The following RORA variants were observed in gnomAD, a reference collection of about 807,000 sequenced individuals.
The protein encoded by RORA is RAR related orphan receptor A.
RORA carries 7 observed loss-of-function variants against 69.5 expected under a neutral mutation model. That is an observed-to-expected ratio of 0.10 (90% CI 0.06 to 0.19). The LOEUF (loss-of-function observed/expected upper bound fraction) is 0.19. Ranked by LOEUF, RORA falls within the 10% of genes least tolerant of loss-of-function variation. RORA has a pLI of 1.00. For missense variants in RORA, 457 were observed against 663.0 expected, an observed-to-expected ratio of 0.69 and a Z score of 3.41; for synonymous variants, 261 against 240.8, an observed-to-expected ratio of 1.08 and a Z score of -0.78.
intron 1 of RORA, among the ~76,000 whole-genome samples, chr15:61,094,480 C>T (rs558468613): frequency 8.5e-5 from 13 of 152,278 alleles, no homozygotes; most frequent in African/African-American, 1.2e-4. Flanking sequence ...CTGCTCCAGC[C>T]GTAGGCGATG....
At chr15:60,581,876 A>T (rs1019758886) in intron 2 of RORA, among the ~76,000 whole-genome samples, 1 of 152,236 alleles carries the variant, frequency 6.6e-6, no homozygotes, top group Non-Finnish European at 1.5e-5. Context: ...TTATAAAATA[A>T]GATGGCATCA....
chr15:61,165,594 T>A (rs1396029311), intron 1 of RORA, among the ~76,000 whole-genome samples: 1 of 151,836 alleles, frequency 6.6e-6, no homozygotes, highest in East Asian at 1.9e-4. Flanking sequence ...TAGAAGAGAG[T>A]TGGAGAGCTG....
chr15:60,819,345 C>T (rs950132748), intron 1 of RORA, among the ~76,000 whole-genome samples: 3 of 152,158 alleles, frequency 2.0e-5, no homozygotes, highest in African/African-American at 7.2e-5. Context: ...CACACATCCG[C>T]TATGGAATTA....
chr15:60,640,253 T>C (rs1346277018), intron 2 of RORA, among the ~76,000 whole-genome samples: 1 of 152,190 alleles, frequency 6.6e-6, no homozygotes, highest in Non-Finnish European at 1.5e-5. Flanking sequence ...TTAAGCCCCC[T>C]GGACATCAGT....
chr15:60,765,818 G>A (rs146353645), intron 1 of RORA, among the ~76,000 whole-genome samples: 2 of 152,140 alleles, frequency 1.3e-5, no homozygotes, highest in South Asian at 2.1e-4. Context: ...TCATTTTTAC[G>A]TGCACTGTGG....
intron 2 of RORA, chr15:60,546,551 A>C (rs540028579): frequency 3.3e-5 from 5 of 152,208 alleles, no homozygotes; most frequent in Admixed American, 6.5e-5. Flanking sequence ...ACAGCTCATA[A>C]ACCTTAAAAA....
chr15:60,697,048 G>A (rs1328262846), intron 1 of RORA, among the ~76,000 whole-genome samples: 1 of 152,150 alleles, frequency 6.6e-6, no homozygotes, highest in African/African-American at 2.4e-5. Flanking sequence ...TGTTTTCTGG[G>A]ATTGTAAAGG....
intron 2 of RORA, among the ~76,000 whole-genome samples, chr15:60,619,442 T>G (rs1458012333): frequency 6.6e-6 from 1 of 152,252 alleles, no homozygotes; most frequent in South Asian, 2.1e-4. Context: ...TGATGATGCC[T>G]TTTACGTCAG....
chr15:60,730,854 GA>G (rs1326097514), intron 1 of RORA, among the ~76,000 whole-genome samples: 1 of 146,578 alleles, frequency 6.8e-6, no homozygotes, highest in African/African-American at 2.7e-5. Flanking sequence ...TATAGGAAAA[GA>G]ATTTTTTTTT....
intron 1 of RORA, among the ~76,000 whole-genome samples, chr15:60,859,631 T>TTTTC (rs35809501): frequency 3.8e-5 from 5 of 130,432 alleles, no homozygotes; most frequent in Non-Finnish European, 4.7e-5. Flanking sequence ...CCCGGGTTTT[T>TTTTC]TTTCTTTCTT....
At chr15:61,024,200 A>G (rs932160966) in intron 1 of RORA, among the ~76,000 whole-genome samples, 4 of 151,974 alleles carry the variant, frequency 2.6e-5, no homozygotes, top group African/African-American at 9.7e-5. Flanking sequence ...TGGGGTGGAA[A>G]TCAGTTGGTA....
intron 1 of RORA, among the ~76,000 whole-genome samples, chr15:60,747,683 C>T: frequency 6.6e-6 from 1 of 151,942 alleles, no homozygotes; most frequent in Non-Finnish European, 1.5e-5. Context: ...TTGAGATGCA[C>T]AGTATGTGAT....
rs531239929 is a variant in RORA at position 60,755,343 on chromosome 15, T to C, written c.167-76657A>G. ...CCTTTTTTACGGCTGCATAGTATTC[T>C]ATGGTGTATATGTGCCACATTTTCT... On this transcript the variant is annotated intron_variant, in intron 1 of 10. Transcript: ENST00000335670. 4.3e-4 allele frequency among the ~76,000 whole-genome samples: 65 copies of C among 152,190 alleles called. 1 individual carries two copies. Among genetic ancestry groups the C allele is most frequent in the Admixed American group, 9.2e-4 (14 of 15,278 alleles).
chr15:61,136,336 C>T (rs1016816700), intron 1 of RORA, among the ~76,000 whole-genome samples: 1 of 152,166 alleles, frequency 6.6e-6, no homozygotes, highest in African/African-American at 2.4e-5. Flanking sequence ...GCACTGTTAT[C>T]CAGTTGTTAC....
At chr15:61,024,015 T>G (rs1770016964) in intron 1 of RORA, among the ~76,000 whole-genome samples, 1 of 151,972 alleles carries the variant, frequency 6.6e-6, no homozygotes, top group Non-Finnish European at 1.5e-5. Context: ...AAACAAAAAA[T>G]GCATGAACGA....
At chr15:60,502,473 C>G (rs1290224914) in intron 8 of RORA, among the ~76,000 whole-genome samples, 3 of 152,078 alleles carry the variant, frequency 2.0e-5, no homozygotes, top group African/African-American at 7.3e-5. Flanking sequence ...ACCAGCAAAT[C>G]TGGTTTCTTA....
chr15:60,614,836 C>T, intron 2 of RORA: 1 of 1,373,986 alleles, frequency 7.3e-7, no homozygotes, highest in Non-Finnish European at 1.0e-6. Context: ...CAGACAGACA[C>T]TGACATGCTT....
At chr15:60,842,075 A>G (rs928826423) in intron 1 of RORA, among the ~76,000 whole-genome samples, 6 of 151,860 alleles carry the variant, frequency 4.0e-5, no homozygotes, top group African/African-American at 1.4e-4. Context: ...TGTGGTTGCC[A>G]AGCTGACCCA....
intron 1 of RORA, among the ~76,000 whole-genome samples, chr15:61,184,839 G>A (rs2079724128): frequency 6.6e-6 from 1 of 151,858 alleles, no homozygotes; most frequent in Admixed American, 6.6e-5. Flanking sequence ...ATAAAAATTG[G>A]CTGGGCATGG....
Sources: gnomAD v4.1 joint callset for allele counts (sites outside exome capture counted in the v4.1 genomes callset) on GRCh38, gnomAD v4.1.1 for gene constraint, MANE v1.5 for transcripts, NCBI Gene and HGNC (gene_info 2026-07-23, HGNC 2026-07-21) for gene names.